Variants in KALRN observed in about 807,000 individuals in gnomAD.
The protein encoded by KALRN is kalirin.
In KALRN, 70 loss-of-function variants were observed where a neutral mutation model predicts 353.7. The ratio of observed to expected loss-of-function variants is 0.20; its 90% CI spans 0.16 to 0.24. The LOEUF (loss-of-function observed/expected upper bound fraction) is 0.24. Ranked by LOEUF, KALRN falls within the 10% of genes least tolerant of loss-of-function variation. The pLI is 1.00. For synonymous variants in KALRN, 1,391 were observed against 1,434.8 expected, an observed-to-expected ratio of 0.97 and a Z score of 0.69; for missense variants, 2,791 against 3,756.7, an observed-to-expected ratio of 0.74 and a Z score of 6.72.
At chr3:124,493,442 C>T (rs924601167) in intron 32 of KALRN, among the ~76,000 whole-genome samples, 3 of 152,108 alleles carry the variant, frequency 2.0e-5, no homozygotes, top group Admixed American at 6.5e-5. Context: ...CTTCTGAATC[C>T]CAGTTTCCTC....
At chr3:124,626,064 G>C (rs1398458633) in intron 34 of KALRN, among the ~76,000 whole-genome samples, 4 of 152,014 alleles carry the variant, frequency 2.6e-5, no homozygotes, top group Non-Finnish European at 5.9e-5. Context: ...TTAGGCAACA[G>C]AGTAAGACTC....
At chr3:124,236,064 C>T (rs1258549440) in intron 3 of KALRN, among the ~76,000 whole-genome samples, 1 of 151,602 alleles carries the variant, frequency 6.6e-6, no homozygotes, top group Admixed American at 6.6e-5. Flanking sequence ...TCATCACATG[C>T]TTGGAAGGAT....
chr3:124,188,760 A>G (rs1334634425), intron 1 of KALRN, among the ~76,000 whole-genome samples: 1 of 152,214 alleles, frequency 6.6e-6, no homozygotes, highest in African/African-American at 2.4e-5. Context: ...GGATGCTGGC[A>G]GAAGTTATGA....
intron 37 of KALRN, among the ~76,000 whole-genome samples, chr3:124,639,927 C>T (rs2081842249): frequency 6.6e-6 from 1 of 152,178 alleles, no homozygotes; most frequent in African/African-American, 2.4e-5. Flanking sequence ...ATTCTTGGTC[C>T]TTTCCACCAC....
intron 1 of KALRN, among the ~76,000 whole-genome samples, chr3:124,050,616 G>A (rs1304827571): frequency 2.0e-5 from 3 of 152,148 alleles, no homozygotes; most frequent in African/African-American, 7.2e-5. Flanking sequence ...ATATAGTGGA[G>A]CCTGAGACCC....
At chr3:124,428,376 AG>A (rs2093122783) in intron 15 of KALRN, among the ~76,000 whole-genome samples, 1 of 152,200 alleles carries the variant, frequency 6.6e-6, no homozygotes, top group Non-Finnish European at 1.5e-5. Context: ...CATAATCATC[AG>A]ACTTTACATT....
chr3:124,379,744 G>T (rs1419912383), intron 10 of KALRN, among the ~76,000 whole-genome samples: 1 of 152,146 alleles, frequency 6.6e-6, no homozygotes, highest in African/African-American at 2.4e-5. Context: ...TCTTTCTCTA[G>T]CCTCAGGTAG....
intron 7 of KALRN, 36 bp downstream of exon 7, chr3:124,326,207 AG>A: frequency 1.3e-6 from 2 of 1,585,610 alleles, no homozygotes; most frequent in South Asian, 2.3e-5. Context: ...TGCTGTTGGT[AG>A]GAAGGGTTGG....
chr3:124,376,586 C>T (rs544708214), intron 10 of KALRN, among the ~76,000 whole-genome samples: 6 of 152,310 alleles, frequency 3.9e-5, no homozygotes, highest in African/African-American at 1.4e-4. Context: ...TATCACCCTC[C>T]TTAATCATAG....
chr3:124,443,698 C>T (rs1342391157), intron 19 of KALRN, among the ~76,000 whole-genome samples: 13 of 152,188 alleles, frequency 8.5e-5, no homozygotes, highest in Admixed American at 8.5e-4. Context: ...ATAACAGGCA[C>T]CCAGAGACAG....
intron 51 of KALRN, among the ~76,000 whole-genome samples, chr3:124,686,391 A>C (rs2061558570): frequency 6.6e-6 from 1 of 152,118 alleles, no homozygotes; most frequent in African/African-American, 2.4e-5. Flanking sequence ...CTTTCCCAGG[A>C]CTGTGTATTC....
chr3:124,469,325 T>C (rs1355964870), intron 25 of KALRN, among the ~76,000 whole-genome samples: 1 of 152,184 alleles, frequency 6.6e-6, no homozygotes, highest in Admixed American at 6.5e-5. Flanking sequence ...AAGTGTCAAG[T>C]GTGAAATGAA....
intron 1 of KALRN, among the ~76,000 whole-genome samples, chr3:124,191,780 G>C (rs1701736277): frequency 6.6e-6 from 1 of 152,172 alleles, no homozygotes; most frequent in African/African-American, 2.4e-5. Flanking sequence ...GAATGTTTCA[G>C]GGGCACTGGG....
chr3:124,239,221 C>T (rs968849858), intron 3 of KALRN, among the ~76,000 whole-genome samples: 5 of 152,158 alleles, frequency 3.3e-5, no homozygotes, highest in African/African-American at 1.2e-4. Flanking sequence ...AAAATCCAGC[C>T]TGAGAGTAAA....
chr3:124,480,163 T>A (rs1412485702), intron 27 of KALRN, among the ~76,000 whole-genome samples: 1 of 152,028 alleles, frequency 6.6e-6, no homozygotes, highest in Non-Finnish European at 1.5e-5. Context: ...GTGCCAAAGG[T>A]GCACTGTTGC....
chr3:124,498,883 C>T (rs2064184147), intron 33 of KALRN, among the ~76,000 whole-genome samples: 1 of 151,628 alleles, frequency 6.6e-6, no homozygotes, highest in South Asian at 2.1e-4. Context: ...CAGATTTTCC[C>T]CTGACTATAC....
intron 58 of KALRN, among the ~76,000 whole-genome samples, chr3:124,715,742 C>T (rs1356840720): frequency 6.6e-6 from 1 of 152,190 alleles, no homozygotes; most frequent in African/African-American, 2.4e-5. Context: ...GCATCAGGCT[C>T]CTCTGCATGG....
At chr3:124,479,759 T>C (rs560315845) in intron 27 of KALRN, among the ~76,000 whole-genome samples, 41 of 148,116 alleles carry the variant, frequency 2.8e-4, no homozygotes, top group African/African-American at 8.7e-4. Context: ...AGTCTCGCTC[T>C]GTTGCCCAGA....
intron 1 of KALRN, among the ~76,000 whole-genome samples, chr3:124,035,687 T>G (rs1369414434): frequency 6.6e-6 from 1 of 152,252 alleles, no homozygotes; most frequent in African/African-American, 2.4e-5. Context: ...TAGTCCAATG[T>G]GTTACTTTTC....
Sources: allele counts gnomAD v4.1 joint callset (sites outside exome capture counted in the v4.1 genomes callset), GRCh38; gene constraint gnomAD v4.1.1; transcripts MANE v1.5; gene names NCBI Gene and HGNC (gene_info 2026-07-23, HGNC 2026-07-21).